LRRK1: variants seen among roughly 807,000 people sequenced by gnomAD.
LRRK1 encodes the protein leucine-rich repeat serine/threonine-protein kinase 1.
Under a neutral mutation model 209.1 loss-of-function variants are expected in LRRK1, and 113 were observed. The observed-to-expected ratio is 0.54, with a 90% CI of 0.46 to 0.63. The LOEUF (loss-of-function observed/expected upper bound fraction) is 0.63, where lower values mean the gene tolerates loss of function less well. LRRK1 is among the 30% of genes least tolerant of loss of function. The pLI is 0.00. For synonymous variants in LRRK1, 1,144 were observed against 1,099.7 expected (o/e 1.04, Z -0.80); for missense variants, 2,284 against 2,632.2 (o/e 0.87, Z 2.89).
Position 101,052,009 on chromosome 15 carries a change from G to A in LRRK1, c.3689+49G>A, listed in dbSNP as rs541014719. ...GAACACAGTGCAGGTCACAGGGGGC[G>A]TTCCTCGCTGTGCAGTTGCCGAGTG... On this transcript the variant is annotated intron_variant, in intron 24 of 33. Transcript: ENST00000388948. The A allele has an allele frequency of 7.9e-5, 125 of 1,580,794 alleles. 1 individual carries two copies. In the South Asian group the frequency reaches 1.3e-3, roughly 17 times the overall value.
intron 4 of LRRK1, among the ~76,000 whole-genome samples, chr15:100,987,548 TTTATTA>T (rs968474827): frequency 1.3e-5 from 2 of 152,120 alleles, no homozygotes; most frequent in East Asian, 1.9e-4. Context: ...CACCAAAGCT[TTTATTA>T]TTATTATTCA....
At chr15:100,962,383 G>T (rs569591809) in intron 2 of LRRK1, among the ~76,000 whole-genome samples, 2 of 151,900 alleles carry the variant, frequency 1.3e-5, no homozygotes, top group Admixed American at 6.6e-5. Flanking sequence ...TACAAAAATC[G>T]GCTGGGCGTG....
chr15:101,032,386 G>C (rs895388151), intron 20 of LRRK1, among the ~76,000 whole-genome samples: 1 of 151,582 alleles, frequency 6.6e-6, no homozygotes, highest in Non-Finnish European at 1.5e-5. Flanking sequence ...CCATTAACTC[G>C]TCATTTAACA....
intron 2 of LRRK1, among the ~76,000 whole-genome samples, chr15:100,960,419 G>A (rs1470130104): frequency 6.6e-6 from 1 of 151,914 alleles, no homozygotes; most frequent in East Asian, 1.9e-4. Context: ...CCCAAAATCG[G>A]AGTAGGACTG....
Position 101,025,990 on chromosome 15 carries a change from T to C in LRRK1, c.2258T>C (p.Leu753Pro), listed in dbSNP as rs887555486. Residue 753 changes from leucine to proline, a missense_variant, in exon 17 of 34, where the codon CTG (leucine) becomes CCG (proline). Physicochemically the swap from Leu to Pro is moderately conservative, Grantham distance 98. Coordinates refer to ENST00000388948, the MANE Select transcript of LRRK1 (RefSeq NM_024652.6). ...IEAKAPNAVV[L>P]VVGTHLDLIE... ...GCCAAGGCCCCAAACGCCGTGGTGCTGGTGGTCGGGACGCACCTGGATTTA... is the reference window on the plus strand; with the variant it reads ...GCCAAGGCCCCAAACGCCGTGGTGCCGGTGGTCGGGACGCACCTGGATTTA... 1 of 1,614,080 alleles carries C rather than the reference T, an allele frequency of 6.2e-7. No homozygotes were observed. The highest frequency in any genetic ancestry group is 8.5e-7 in the Non-Finnish European group (1 of 1,180,042).
In LRRK1 at chr15:101,057,149, T is replaced by C. The variant is rs559791590; in HGVS notation, c.4527+99T>C. The C allele has an allele frequency of 7.1e-5, 69 of 972,274 alleles. 1 individual carries two copies. Among genetic ancestry groups the C allele is most frequent in the South Asian group, 5.9e-4 (34 of 57,376 alleles). The allele number at this position is 972,274 out of a possible 1,614,324, so 60.2% of individuals were successfully genotyped here. On this transcript the variant is annotated intron_variant, in intron 28 of 33. Transcript: ENST00000388948. ...GTGCCTGGCTGCCCAACCATCACCA[T>C]TGGCAACCCTTCTCTGCTCATTTCT...
intron 24 of LRRK1, 32 bp downstream of exon 24, chr15:101,051,992 T>G (rs188772488): frequency 1.9e-6 from 3 of 1,600,680 alleles, no homozygotes; most frequent in Non-Finnish European, 1.7e-6. Context: ...CAGAACACAG[T>G]GCAGGTCACA....
chr15:101,055,089 A>G lies in LRRK1; in HGVS notation c.4198A>G (p.Lys1400Glu), dbSNP rs779146929. 1.2e-6 allele frequency: 2 copies of G among 1,614,076 alleles called. No individual in the cohort carries two copies. The highest frequency in any genetic ancestry group is 2.7e-5 in the African/African-American group (2 of 74,934). Residue 1400 changes from lysine to glutamate, a missense_variant, in exon 27 of 34, where the codon AAG becomes GAG. Around this residue, in one of 6 missense-constraint regions of LRRK1, gnomAD observed 780 missense variants for 985.2 expected, o/e 0.79. Transcript: ENST00000388948. ...CATTCTGGTGTGGTCCCTTGACGTC[A>G]AGGAGCACATCAACATCAAGCTATC... ...DNILVWSLDV[K>E]EHINIKLSDY...
intron 2 of LRRK1, 128 bp downstream of exon 2, chr15:100,924,857 C>G (rs2042081946): frequency 3.2e-6 from 2 of 628,718 alleles, no homozygotes; most frequent in Middle Eastern, 2.7e-4. Context: ...ATTTGGTGCT[C>G]TTTCATCATA....
chr15:100,985,238 T>C (rs183955195), intron 4 of LRRK1, among the ~76,000 whole-genome samples: 2 of 152,098 alleles, frequency 1.3e-5, no homozygotes, highest in East Asian at 3.9e-4. Context: ...AGAGAGGAGC[T>C]TGGGTGCTCC....
intron 4 of LRRK1, among the ~76,000 whole-genome samples, chr15:100,986,755 C>G (rs1325667124): frequency 6.6e-6 from 1 of 152,228 alleles, no homozygotes; most frequent in East Asian, 1.9e-4. Flanking sequence ...TCCTGGTCAA[C>G]ATAAGTAAAC....
chr15:101,009,119 T>G, intron 7 of LRRK1, 56 bp downstream of exon 7: 1 of 1,304,310 alleles, frequency 7.7e-7, no homozygotes, highest in Non-Finnish European at 1.1e-6. Flanking sequence ...ACCGTTGTGC[T>G]CCTGCACATG....
intron 2 of LRRK1, among the ~76,000 whole-genome samples, chr15:100,963,278 C>G (rs1208173459): frequency 6.6e-6 from 1 of 152,170 alleles, no homozygotes; most frequent in Non-Finnish European, 1.5e-5. Context: ...CTGATGGCCG[C>G]ATCCGAGCCC....
At position 101,075,795 on chromosome 15, in the gene LRRK1, GCTTT is replaced by G. The variant is rs1201378396; in HGVS notation, c.*6952_*6955del. On this transcript the variant is annotated 3_prime_UTR_variant, in exon 34 of 34. Transcript: ENST00000388948. Reference sequence around the variant, plus strand: ...TTATTGTGTTCTGGATCTCAAACATGCTTTCTTTACTATTCCTTTGCACCCTTCA... The same window carrying G: ...TTATTGTGTTCTGGATCTCAAACATGCTTTACTATTCCTTTGCACCCTTCA... The G allele has an allele frequency of 1.3e-5, 2 of 151,868 alleles. No individual in the cohort carries two copies. The highest frequency in any genetic ancestry group is 2.9e-5 in the Non-Finnish European group (2 of 68,034). The allele number at this position is 151,868 out of a possible 1,614,324, so 9.4% of individuals were successfully genotyped here.
rs541797105 is a variant in LRRK1, at chr15:100,960,604, T to C, written c.98-13200T>C. Reference sequence around the variant, plus strand: ...TCCCAAGTCCCTCAAGCATCCCCTTTTGGGTAAAGGGCATGGTTTCTGTTG... The same window carrying C: ...TCCCAAGTCCCTCAAGCATCCCCTTCTGGGTAAAGGGCATGGTTTCTGTTG... On this transcript the variant is annotated intron_variant, in intron 2 of 33. Coordinates refer to ENST00000388948, the MANE Select transcript of LRRK1 (RefSeq NM_024652.6). Among the ~76,000 whole-genome samples the C allele has an allele frequency of 3.3e-5, 5 of 152,270 alleles. No individual in the cohort carries two copies. In the South Asian group the frequency reaches 1.0e-3, roughly 32 times the overall value.
chr15:101,016,766 G>A (rs1461143510), intron 12 of LRRK1, among the ~76,000 whole-genome samples: 2 of 152,202 alleles, frequency 1.3e-5, no homozygotes, highest in East Asian at 3.8e-4. Context: ...GTGCTGTTAA[G>A]TCTCTACTGC....
intron 13 of LRRK1, 52 bp from the exon 14 acceptor site, chr15:101,021,793 T>C (rs2033804110): frequency 8.5e-6 from 9 of 1,052,702 alleles, no homozygotes; most frequent in South Asian, 1.4e-5. Context: ...TGTGTGTGTG[T>C]GTGTGTGTGT....
At chr15:100,930,074 G>A (rs1352807459) in intron 2 of LRRK1, among the ~76,000 whole-genome samples, 1 of 152,200 alleles carries the variant, frequency 6.6e-6, no homozygotes, top group African/African-American at 2.4e-5. Context: ...CTTACTTCTA[G>A]CAATGGGGAG....
chr15:100,984,934 G>A (rs1168416042), intron 4 of LRRK1, among the ~76,000 whole-genome samples: 1 of 152,142 alleles, frequency 6.6e-6, no homozygotes, highest in Non-Finnish European at 1.5e-5. Flanking sequence ...CAGTCACCCA[G>A]GGCCCTGCAC....
Sources: gnomAD v4.1 joint callset for allele counts (sites outside exome capture counted in the v4.1 genomes callset) on GRCh38, gnomAD v4.1.1 for gene constraint, gnomAD v4.1.1 regional missense constraint, MANE v1.5 for transcripts, NCBI Gene and HGNC (gene_info 2026-07-23, HGNC 2026-07-21) for gene names.